Variants in HERPUD2 observed in about 807,000 individuals in gnomAD.
HERPUD2 encodes the protein homocysteine-responsive endoplasmic reticulum-resident ubiquitin-like domain member 2 protein.
Under a neutral mutation model 49.9 loss-of-function variants are expected in HERPUD2, and 13 were observed. That is an observed-to-expected ratio of 0.26 (90% CI 0.17 to 0.41). The LOEUF (loss-of-function observed/expected upper bound fraction) is 0.41, where lower values mean the gene tolerates loss of function less well. Among genes scored for constraint, HERPUD2 ranks in the 10% least tolerant of loss-of-function variants. The pLI is 1.00. For synonymous variants in HERPUD2, 172 were observed against 171.4 expected, an observed-to-expected ratio of 1.00 and a Z score of -0.03; for missense variants, 449 against 492.2, an observed-to-expected ratio of 0.91 and a Z score of 0.83.
At chr7:35,669,990 C>T (rs1054510629) in intron 4 of HERPUD2, among the ~76,000 whole-genome samples, 8 of 151,804 alleles carry the variant, frequency 5.3e-5, no homozygotes, top group African/African-American at 1.7e-4. Context: ...ACCTGCCATA[C>T]AGCAAATTAT....
intron 5 of HERPUD2, among the ~76,000 whole-genome samples, chr7:35,641,833 T>C (rs758340337): frequency 1.3e-5 from 2 of 152,180 alleles, no homozygotes; most frequent in African/African-American, 2.4e-5. Context: ...TTTAAAGACT[T>C]ACATGTAAAA....
intron 2 of HERPUD2, among the ~76,000 whole-genome samples, chr7:35,683,208 T>C (rs7803724): frequency 6.6e-6 from 1 of 152,056 alleles, no homozygotes; most frequent in Non-Finnish European, 1.5e-5. Flanking sequence ...AACATGGTAC[T>C]GATACAAAAA....
intron 5 of HERPUD2, among the ~76,000 whole-genome samples, chr7:35,644,652 A>C (rs1480336160): frequency 4.6e-5 from 7 of 152,102 alleles, no homozygotes; most frequent in African/African-American, 1.4e-4. Flanking sequence ...CTATAGTCCC[A>C]GCTACTCAGG....
intron 5 of HERPUD2, among the ~76,000 whole-genome samples, chr7:35,639,724 A>C (rs1230184175): frequency 2.6e-5 from 4 of 152,228 alleles, no homozygotes; most frequent in Non-Finnish European, 5.9e-5. Context: ...AAGACTGTTT[A>C]CACATACAAT....
chr7:35,639,678 C>CAAGAAT (rs1304548996), intron 5 of HERPUD2, among the ~76,000 whole-genome samples: 1 of 152,094 alleles, frequency 6.6e-6, no homozygotes, highest in African/African-American at 2.4e-5. Context: ...CAGAGTGAGA[C>CAAGAAT]AAGAATAAAT....
intron 5 of HERPUD2, among the ~76,000 whole-genome samples, chr7:35,647,155 C>G (rs991854510): frequency 4.6e-5 from 7 of 152,148 alleles, no homozygotes; most frequent in African/African-American, 1.7e-4. Flanking sequence ...TTGCTTCCCC[C>G]ACCACTCCAT....
At chr7:35,664,182 G>A (rs934124914) in intron 5 of HERPUD2, among the ~76,000 whole-genome samples, 1 of 152,086 alleles carries the variant, frequency 6.6e-6, no homozygotes, top group Admixed American at 6.6e-5. Flanking sequence ...TGAAATTCTG[G>A]GTTGAAAATT....
At chr7:35,670,503 G>A (rs1379873386) in intron 3 of HERPUD2, among the ~76,000 whole-genome samples, 175 bp from the exon 4 acceptor site, 3 of 151,688 alleles carry the variant, frequency 2.0e-5, no homozygotes, top group Non-Finnish European at 4.4e-5. Context: ...TGATCCTTTT[G>A]AATTCAATAT....
intron 2 of HERPUD2, among the ~76,000 whole-genome samples, chr7:35,681,473 C>T (rs141964812): frequency 1.3e-5 from 2 of 152,078 alleles, no homozygotes; most frequent in Non-Finnish European, 2.9e-5. Flanking sequence ...TTGCTAGGTA[C>T]ATACCAAAAA....
At chr7:35,638,579 A>C in intron 5 of HERPUD2, 107 bp from the exon 6 acceptor site, 1 of 1,090,244 alleles carries the variant, frequency 9.2e-7, no homozygotes, top group Non-Finnish European at 1.3e-6. Context: ...ATATATTTAA[A>C]TCTCACTGAA....
chr7:35,655,882 C>T (rs1471642661), intron 5 of HERPUD2, among the ~76,000 whole-genome samples: 3 of 152,202 alleles, frequency 2.0e-5, no homozygotes, highest in African/African-American at 7.2e-5. Context: ...GAAATCGAGC[C>T]GAGTGTGGTG....
intron 5 of HERPUD2, among the ~76,000 whole-genome samples, chr7:35,655,903 G>A (rs1174683199): frequency 6.6e-6 from 1 of 152,206 alleles, no homozygotes; most frequent in Non-Finnish European, 1.5e-5. Context: ...GCTCACGCCT[G>A]TAATCCCAGC....
At chr7:35,690,398 C>A (rs1786152365) in intron 2 of HERPUD2, among the ~76,000 whole-genome samples, 1 of 152,296 alleles carries the variant, frequency 6.6e-6, no homozygotes, top group African/African-American at 2.4e-5. Context: ...AATTCCTAAC[C>A]AGAAAACACC....
At chr7:35,659,542 T>C (rs1436205622) in intron 5 of HERPUD2, among the ~76,000 whole-genome samples, 1 of 152,178 alleles carries the variant, frequency 6.6e-6, no homozygotes, top group Non-Finnish European at 1.5e-5. Context: ...CACTAACTCT[T>C]TTAAACCACA....
At chr7:35,643,280 C>T (rs536676534) in intron 5 of HERPUD2, among the ~76,000 whole-genome samples, 2 of 152,240 alleles carry the variant, frequency 1.3e-5, no homozygotes, top group East Asian at 3.9e-4. Flanking sequence ...TACTGTAAGA[C>T]ACAAATCTAT....
chr7:35,673,618 A>C (rs1343518800), intron 2 of HERPUD2, among the ~76,000 whole-genome samples: 1 of 152,152 alleles, frequency 6.6e-6, no homozygotes, highest in Non-Finnish European at 1.5e-5. Context: ...CTTCAAGACT[A>C]TATAAATGAG....
At chr7:35,671,918 T>C (rs1418790619) in intron 3 of HERPUD2, among the ~76,000 whole-genome samples, 2 of 151,912 alleles carry the variant, frequency 1.3e-5, no homozygotes, top group Admixed American at 6.6e-5. Context: ...CCGAAATATA[T>C]TTTATTTCTG....
At chr7:35,660,822 G>A (rs186852090) in intron 5 of HERPUD2, among the ~76,000 whole-genome samples, 63 of 152,226 alleles carry the variant, frequency 4.1e-4, no homozygotes, top group South Asian at 2.5e-3. Context: ...CTCCCATTCC[G>A]TAGGTTGCCT....
chr7:35,693,662 G>A (rs569705057), intron 2 of HERPUD2, among the ~76,000 whole-genome samples: 1 of 151,762 alleles, frequency 6.6e-6, no homozygotes, highest in Non-Finnish European at 1.5e-5. Flanking sequence ...CTTTGAGACA[G>A]AGTCTCACTG....
Sources: gnomAD v4.1 joint callset for allele counts (sites outside exome capture counted in the v4.1 genomes callset) on GRCh38, gnomAD v4.1.1 for gene constraint, MANE v1.5 for transcripts, NCBI Gene and HGNC (gene_info 2026-07-23, HGNC 2026-07-21) for gene names.